The following NCCRP1 variants were observed in gnomAD, a reference collection of about 807,000 sequenced individuals.
NCCRP1 encodes NCCRP1, F-box associated domain containing, also known as F-box only protein 50.
Under a neutral mutation model 34.4 loss-of-function variants are expected in NCCRP1, and 32 were observed. The ratio of observed to expected loss-of-function variants is 0.93; its 90% CI spans 0.70 to 1.25. The LOEUF (loss-of-function observed/expected upper bound fraction) is 1.25. NCCRP1 is among the 50% of genes most tolerant of loss of function. NCCRP1 has a pLI of 0.00. For synonymous variants in NCCRP1, 172 were observed against 180.1 expected (o/e 0.95, Z 0.36); for missense variants, 372 against 391.8 (o/e 0.95, Z 0.43).
chr19:39,197,282 G>C lies in NCCRP1; in HGVS notation c.300G>C (p.Pro100=). Residue 100 remains proline, a synonymous_variant, in exon 1 of 6, where the codon CCG becomes CCC. Transcript: ENST00000339852. The part of the protein sequence containing the change: ...LTWKLLLLRR[P]LYRNLLRSPN... ...GGAAGCTGCTCCTGTTGCGGCGGCCGCTCTACCGCAACCTGCTGCGCTCGC... is the reference window on the plus strand; with the variant it reads ...GGAAGCTGCTCCTGTTGCGGCGGCCCCTCTACCGCAACCTGCTGCGCTCGC... The C allele has an allele frequency of 6.7e-7, 1 of 1,490,246 alleles. No homozygotes were observed. Among genetic ancestry groups the C allele is most frequent in the Non-Finnish European group, 8.8e-7 (1 of 1,130,588 alleles). The allele number at this position is 1,490,246 out of a possible 1,614,324, so 92.3% of individuals were successfully genotyped here.
Position 39,200,277 on chromosome 19 carries a change from T to C in NCCRP1, c.549-69T>C. 1.9e-6 allele frequency: 3 copies of C among 1,583,088 alleles called. No individual in the cohort carries two copies. Among genetic ancestry groups the C allele is most frequent in the Non-Finnish European group, 2.6e-6 (3 of 1,162,346 alleles). ...AGCAGCATGTGTGTTGAATGGGGAA[T>C]GGGGCCAGGGGCTGGGGCTGGGTAG... On this transcript the variant is annotated intron_variant, in intron 4 of 5. Coordinates refer to ENST00000339852, the MANE Select transcript of NCCRP1 (RefSeq NM_001001414.2). This position sits in a 1 kb window ranked among gnomAD's most constrained non-coding sequence, Gnocchi z 5.8.
At chr19:39,197,943 A>G (rs1600432781) in intron 1 of NCCRP1, 110 bp from the exon 2 acceptor site, 1 of 1,311,384 alleles carries the variant, frequency 7.6e-7, no homozygotes, top group Admixed American at 1.7e-5. Flanking sequence ...GGCTTCCCTG[A>G]CCTGGCACAG....
Position 39,198,260 on chromosome 19 carries a change from C to A in NCCRP1, c.452+7C>A. 6.2e-7 allele frequency: 1 copy of A among 1,614,044 alleles called. No individual in the cohort carries two copies. Among genetic ancestry groups the A allele is most frequent in the South Asian group, 1.1e-5 (1 of 91,064 alleles). On this transcript the variant is annotated splice_region_variant and intron_variant, in intron 3 of 5. Coordinates refer to ENST00000339852, the MANE Select transcript of NCCRP1 (RefSeq NM_001001414.2). Reference sequence around the variant, plus strand: ...AGCTCCAGCAGAACCAAAGGTGAGTCGCCAGGGCCAGTGTGGCTTACACTC... The same window carrying A: ...AGCTCCAGCAGAACCAAAGGTGAGTAGCCAGGGCCAGTGTGGCTTACACTC...
At position 39,198,032 on chromosome 19, in the gene NCCRP1, C is replaced by T. The variant is rs777801971; in HGVS notation, c.338-21C>T. The stretch of plus-strand genomic sequence containing the variant: ...AAGATGGAGGGGCTGCCCAGAGGCT[C>T]CACTCACCTGTCCATTTCAGGCATC... On this transcript the variant is annotated intron_variant, in intron 1 of 5. Coordinates refer to ENST00000339852, the MANE Select transcript of NCCRP1 (RefSeq NM_001001414.2). 8.7e-6 allele frequency: 14 copies of T among 1,612,598 alleles called. No homozygotes were observed. In the East Asian group the frequency reaches 2.7e-4, roughly 31 times the overall value.
Position 39,197,108 on chromosome 19 carries a change from C to T in NCCRP1, c.126C>T (p.Pro42=), listed in dbSNP as rs1338183547. The change falls in exon 1 of 6, where the codon CCC becomes CCT. Residue 42 remains proline, a synonymous_variant. Coordinates refer to ENST00000339852, the MANE Select transcript of NCCRP1 (RefSeq NM_001001414.2). Reference sequence around the variant, plus strand: ...CGCCGCCGTCGCCGCCACCACTGCCCTCGCCGCCGTCGCTGCCATCGCCCG... The same window carrying T: ...CGCCGCCGTCGCCGCCACCACTGCCTTCGCCGCCGTCGCTGCCATCGCCCG... ...PSPPPSPPPL[P]SPPSLPSPAA... is the part of the protein sequence containing the mutation. 10 of 1,522,400 alleles carry T rather than the reference C, an allele frequency of 6.6e-6. No individual in the cohort carries two copies. In the South Asian group the frequency reaches 8.4e-5, roughly 13 times the overall value. 94.3% of individuals were successfully genotyped at this position (1,522,400 alleles called of 1,614,324 possible).
chr19:39,199,498 CT>C (rs1426764949), intron 4 of NCCRP1, among the ~76,000 whole-genome samples: 1 of 81,306 alleles, frequency 1.2e-5, no homozygotes, highest in African/African-American at 3.7e-5. Context: ...TTTTTTTTTT[CT>C]TTTTTCTTTC....
rs1312971473 is a variant in NCCRP1 at position 39,197,228 on chromosome 19, G to C, written c.246G>C (p.Gly82=). 10 of 1,461,900 alleles carry C rather than the reference G, an allele frequency of 6.8e-6. No individual in the cohort carries two copies. The highest frequency in any genetic ancestry group is 8.9e-6 in the Non-Finnish European group (10 of 1,118,378). The allele number at this position is 1,461,900 out of a possible 1,614,324, so 90.6% of individuals were successfully genotyped here. The change falls in exon 1 of 6, where the codon GGG becomes GGC. Residue 82 remains glycine (G), a synonymous_variant. Coordinates refer to ENST00000339852, the MANE Select transcript of NCCRP1 (RefSeq NM_001001414.2). ...LLLEEWGPLS[G]GLELPQRLTW... is the part of the protein sequence containing the mutation. ...TGGAGGAGTGGGGGCCGCTGAGCGG[G>C]GGCCTGGAGCTGCCCCAGCGCCTCA...
chr19:39,201,466 T>TC lies in NCCRP1; in HGVS notation c.*715dup, dbSNP rs1210283547. 1 of 151,934 alleles carries TC rather than the reference T, an allele frequency of 6.6e-6. No individual in the cohort carries two copies. 9.4% of individuals were successfully genotyped at this position (151,934 alleles called of 1,614,324 possible). A position where few individuals can be genotyped will look rare whatever the true frequency, so the allele number is the denominator to read the frequency against. On this transcript the variant is annotated 3_prime_UTR_variant, in exon 6 of 6. Transcript: ENST00000339852. ...GCTGGGATTACAGGTGCACAGCACC[T>TC]CCCCCGACTAATTTTTATATTTTTA...
At chr19:39,199,059 C>A in intron 3 of NCCRP1, 111 bp from the exon 4 acceptor site, 1 of 941,804 alleles carries the variant, frequency 1.1e-6, no homozygotes, top group Non-Finnish European at 1.7e-6. Context: ...TGAGGGAGCA[C>A]CCCACGTGTG....
intron 1 of NCCRP1, 38 bp downstream of exon 1, chr19:39,197,357 T>A: frequency 7.3e-7 from 1 of 1,378,498 alleles, no homozygotes; most frequent in East Asian, 3.0e-5. Context: ...GGCACCACCC[T>A]GACCGTCTGT....
Position 39,200,520 on chromosome 19 carries a change from C to A in NCCRP1, c.687+36C>A, listed in dbSNP as rs535604747. ...CCGCGCCGGGGCCCTCAACCCCAGACGTGTGTTCTTGTCCCAAGACCTCAC... is the reference window on the plus strand; with the variant it reads ...CCGCGCCGGGGCCCTCAACCCCAGAAGTGTGTTCTTGTCCCAAGACCTCAC... On this transcript the variant is annotated intron_variant, in intron 5 of 5. Coordinates refer to ENST00000339852, the MANE Select transcript of NCCRP1 (RefSeq NM_001001414.2). This position sits in a 1 kb window ranked among gnomAD's most constrained non-coding sequence, Gnocchi z 5.8. 1.2e-6 allele frequency: 2 copies of A among 1,610,928 alleles called. No individual in the cohort carries two copies. The highest frequency in any genetic ancestry group is 3.3e-5 in the Admixed American group (2 of 59,842).
chr19:39,200,286 G>T lies in NCCRP1; in HGVS notation c.549-60G>T. ...TGTGTTGAATGGGGAATGGGGCCAGGGGCTGGGGCTGGGTAGCTGAGACTG... is the reference window on the plus strand; with the variant it reads ...TGTGTTGAATGGGGAATGGGGCCAGTGGCTGGGGCTGGGTAGCTGAGACTG... On this transcript the variant is annotated intron_variant, in intron 4 of 5. Coordinates refer to ENST00000339852, the MANE Select transcript of NCCRP1 (RefSeq NM_001001414.2). This position sits in a 1 kb window ranked among gnomAD's most constrained non-coding sequence, Gnocchi z 5.8. 1 of 1,596,020 alleles carries T rather than the reference G, an allele frequency of 6.3e-7. No homozygotes were observed. The highest frequency in any genetic ancestry group is 1.1e-5 in the South Asian group (1 of 88,580).
Position 39,197,184 on chromosome 19 carries a change from C to A in NCCRP1, c.202C>A (p.His68Asn). ...LPEPAQPSEAHARQLLLEEWG... is the reference protein window; with the variant it reads ...LPEPAQPSEANARQLLLEEWG... Reference sequence around the variant, plus strand: ...CGAGCCGGCGCAGCCGTCCGAGGCTCACGCCCGGCAGCTGCTGCTGGAGGA... The same window carrying A: ...CGAGCCGGCGCAGCCGTCCGAGGCTAACGCCCGGCAGCTGCTGCTGGAGGA... Residue 68 changes from histidine (H) to asparagine (N), a missense_variant, in exon 1 of 6, where the codon CAC becomes AAC. His to Asn is a moderately conservative substitution (Grantham distance 68). Coordinates refer to ENST00000339852, the MANE Select transcript of NCCRP1 (RefSeq NM_001001414.2). 1 of 1,427,468 alleles carries A rather than the reference C, an allele frequency of 7.0e-7. No homozygotes were observed. The highest frequency in any genetic ancestry group is 9.1e-7 in the Non-Finnish European group (1 of 1,104,944). The allele number at this position is 1,427,468 out of a possible 1,614,324, so 88.4% of individuals were successfully genotyped here.
In NCCRP1 at chr19:39,197,061, C is replaced by G. The variant is rs969246233; in HGVS notation, c.79C>G (p.Pro27Ala). ...DGPASLQELP[P>A]SPRSPSPPPS... ...GCCCGCGAGCCTCCAGGAGCTGCCT[C>G]CCTCGCCACGGTCGCCTTCACCGCC... Residue 27 changes from proline to alanine, a missense_variant, in exon 1 of 6, where the codon CCC becomes GCC. By Grantham distance (27) the Pro-to-Ala change is conservative. Coordinates refer to ENST00000339852, the MANE Select transcript of NCCRP1 (RefSeq NM_001001414.2). 2 of 1,531,264 alleles carry G rather than the reference C, an allele frequency of 1.3e-6. No individual in the cohort carries two copies. The highest frequency in any genetic ancestry group is 2.8e-5 in the African/African-American group (2 of 72,258). The allele number at this position is 1,531,264 out of a possible 1,614,324, so 94.9% of individuals were successfully genotyped here. A position where few individuals can be genotyped will look rare whatever the true frequency, so the allele number is the denominator to read the frequency against.
intron 1 of NCCRP1, 133 bp from the exon 2 acceptor site, chr19:39,197,920 C>T: frequency 1.0e-6 from 1 of 998,692 alleles, no homozygotes; most frequent in South Asian, 1.4e-5. Context: ...CCCTGACTCA[C>T]TCATCCCTGC....
Position 39,200,686 on chromosome 19 carries a change from G to T in NCCRP1, c.758G>T (p.Arg253Leu), listed in dbSNP as rs940386731. The change falls in exon 6 of 6, where the codon CGC becomes CTC. Residue 253 changes from arginine (R) to leucine (L), a missense_variant. Physicochemically the swap from Arg to Leu is moderately radical, Grantham distance 102. Transcript: ENST00000339852. The surrounding 1 kb of genome is among the most constrained non-coding windows in gnomAD (Gnocchi z 5.8). ...CACTTCCTGCACAAGGCCAAGAACCGCATGGAGCCTGGTGGGCTGCGGCGG... is the reference window on the plus strand; with the variant it reads ...CACTTCCTGCACAAGGCCAAGAACCTCATGGAGCCTGGTGGGCTGCGGCGG... ...FIHFLHKAKNRMEPGGLRRTR... is the reference protein window; with the variant it reads ...FIHFLHKAKNLMEPGGLRRTR... 1 of 1,613,878 alleles carries T rather than the reference G, an allele frequency of 6.2e-7. No individual in the cohort carries two copies.
chr19:39,198,531 C>T (rs1401828962), intron 3 of NCCRP1, among the ~76,000 whole-genome samples: 5 of 152,212 alleles, frequency 3.3e-5, no homozygotes, highest in Non-Finnish European at 7.3e-5. Context: ...GCAATCTCAG[C>T]TCACTGCAAC....
Position 39,197,312 on chromosome 19 carries a change from C to T in NCCRP1, c.330C>T (p.Asn110=). The T allele has an allele frequency of 6.8e-7, 1 of 1,463,422 alleles. No homozygotes were observed. The highest frequency in any genetic ancestry group is 8.9e-7 in the Non-Finnish European group (1 of 1,119,466). The allele number at this position is 1,463,422 out of a possible 1,614,324, so 90.7% of individuals were successfully genotyped here. ...ACCGCAACCTGCTGCGCTCGCCCAA[C>T]CCCGAAGGTGCGCAAGGGCCCAGAG... is the stretch of plus-strand genomic sequence containing the variant. ...PLYRNLLRSP[N]PEGINIYEPA... The change falls in exon 1 of 6, where the codon AAC becomes AAT. Residue 110 remains asparagine (N), a synonymous_variant. Transcript: ENST00000339852.
rs764518747 is a variant in NCCRP1 at position 39,200,940 on chromosome 19, C to T, written c.*184C>T. On this transcript the variant is annotated 3_prime_UTR_variant, in exon 6 of 6. Coordinates refer to ENST00000339852, the MANE Select transcript of NCCRP1 (RefSeq NM_001001414.2). This position sits in a 1 kb window ranked among gnomAD's most constrained non-coding sequence, Gnocchi z 5.8. ...CAGCACTGTCTGAGCCCCATGAGGG[C>T]GGAGCCACTCCTTGTAAATTCAGTG... 4.3e-5 allele frequency: 29 copies of T among 671,312 alleles called. No homozygotes were observed. Among genetic ancestry groups the T allele is most frequent in the Non-Finnish European group, 6.6e-5 (27 of 411,336 alleles). The allele number at this position is 671,312 out of a possible 1,614,324, so 41.6% of individuals were successfully genotyped here. A position where few individuals can be genotyped will look rare whatever the true frequency, so the allele number is the denominator to read the frequency against.
Sources: allele counts gnomAD v4.1 joint callset (sites outside exome capture counted in the v4.1 genomes callset), GRCh38; gene constraint gnomAD v4.1.1; non-coding constraint Gnocchi (gnomAD v3.1); transcripts MANE v1.5; gene names NCBI Gene and HGNC (gene_info 2026-07-23, HGNC 2026-07-21).